Variants in PLGRKT observed in about 807,000 individuals in gnomAD.
The protein encoded by PLGRKT is plasminogen receptor (KT).
A neutral mutation model predicts 18.5 loss-of-function variants in PLGRKT; 22 were observed. That is an observed-to-expected ratio of 1.19 (90% CI 0.85 to 1.70). The LOEUF is 1.70. PLGRKT is among the 40% of genes most tolerant of loss of function. The pLI is 0.00. For synonymous variants in PLGRKT, 72 were observed against 52.8 expected (o/e 1.36, Z -1.58); for missense variants, 235 against 174.4 (o/e 1.35, Z -1.96).
At chr9:5,419,333 C>T (rs777796252) in intron 3 of PLGRKT, among the ~76,000 whole-genome samples, 16 of 152,232 alleles carry the variant, frequency 1.1e-4, no homozygotes, top group Non-Finnish European at 2.2e-4. Flanking sequence ...AGCATGATGA[C>T]ATCAAGTGGA....
chr9:5,364,985 G>C (rs1008638572), intron 3 of PLGRKT, among the ~76,000 whole-genome samples: 1 of 152,114 alleles, frequency 6.6e-6, no homozygotes, highest in South Asian at 2.1e-4. Context: ...CATAGATTAG[G>C]CATTCATGGC....
intron 3 of PLGRKT, among the ~76,000 whole-genome samples, chr9:5,391,437 A>G (rs79740228): frequency 0.011 from 1,618 of 152,118 alleles, 14 homozygotes; most frequent in Middle Eastern, 0.027. Context: ...CTTTGATTTC[A>G]TATCAGAAAA....
At chr9:5,435,336 AAAG>A (rs1284818124) in intron 2 of PLGRKT, among the ~76,000 whole-genome samples, 28 of 150,314 alleles carry the variant, frequency 1.9e-4, no homozygotes, top group South Asian at 8.3e-4. Context: ...AAAAAAAAAA[AAAG>A]AAGAAGATTG....
chr9:5,370,393 AT>A (rs1312179242), intron 3 of PLGRKT, among the ~76,000 whole-genome samples: 12 of 152,326 alleles, frequency 7.9e-5, no homozygotes, highest in African/African-American at 2.9e-4. Flanking sequence ...AAAACATTGT[AT>A]AACACAAAGG....
chr9:5,390,042 T>C (rs1817918294), intron 3 of PLGRKT, among the ~76,000 whole-genome samples: 1 of 151,636 alleles, frequency 6.6e-6, no homozygotes, highest in Non-Finnish European at 1.5e-5. Context: ...CAGACAGTCA[T>C]TGAGGAAATC....
intron 3 of PLGRKT, 66 bp downstream of exon 3, chr9:5,431,831 G>T (rs781125797): frequency 5.2e-6 from 4 of 762,530 alleles, no homozygotes; most frequent in Non-Finnish European, 9.3e-6. Flanking sequence ...ATGTACGGCT[G>T]GAGTACATGT....
chr9:5,371,681 GAA>G (rs1431881637), intron 3 of PLGRKT, among the ~76,000 whole-genome samples: 1 of 152,076 alleles, frequency 6.6e-6, no homozygotes, highest in Non-Finnish European at 1.5e-5. Context: ...TAAAATTCTT[GAA>G]AGTCACAGCT....
At chr9:5,368,384 T>C (rs757785289) in intron 3 of PLGRKT, among the ~76,000 whole-genome samples, 1 of 152,192 alleles carries the variant, frequency 6.6e-6, no homozygotes, top group Non-Finnish European at 1.5e-5. Flanking sequence ...ATATACATCA[T>C]GGAATACTAT....
At chr9:5,409,654 C>A (rs1465563361) in intron 3 of PLGRKT, among the ~76,000 whole-genome samples, 1 of 152,202 alleles carries the variant, frequency 6.6e-6, no homozygotes, top group Non-Finnish European at 1.5e-5. Context: ...CTTGCAAAGC[C>A]ACAGGGATGG....
chr9:5,387,828 G>T (rs1413972174), intron 3 of PLGRKT, among the ~76,000 whole-genome samples: 2 of 151,862 alleles, frequency 1.3e-5, no homozygotes, highest in Admixed American at 6.6e-5. Context: ...AGATGGGCAA[G>T]GGTAACAATA....
intron 3 of PLGRKT, among the ~76,000 whole-genome samples, chr9:5,388,930 A>T (rs1226155216): frequency 6.6e-6 from 1 of 152,092 alleles, no homozygotes; most frequent in African/African-American, 2.4e-5. Context: ...TATTGTCATG[A>T]TATTGACAAC....
chr9:5,395,137 T>C (rs10815204), intron 3 of PLGRKT, among the ~76,000 whole-genome samples: 41,351 of 151,040 alleles, frequency 0.27, 5,982 homozygotes, highest in Non-Finnish European at 0.29. Context: ...AAGATTATCT[T>C]CAAACAGATT....
intron 3 of PLGRKT, among the ~76,000 whole-genome samples, chr9:5,428,025 G>C (rs367888839): frequency 6.6e-6 from 1 of 152,142 alleles, no homozygotes; most frequent in Non-Finnish European, 1.5e-5. Context: ...TGGGAGAAGG[G>C]AGGATGTTAT....
chr9:5,418,672 G>T lies in PLGRKT; in HGVS notation c.81+13225C>A, dbSNP rs1818512205. ...CGCGTGCTCCTTGGAGATGGGCAGGGGCAGCATGTAGCACCCACTGCCGGG... is the reference window on the plus strand; with the variant it reads ...CGCGTGCTCCTTGGAGATGGGCAGGTGCAGCATGTAGCACCCACTGCCGGG... On this transcript the variant is annotated intron_variant, in intron 3 of 5. Transcript: ENST00000223864. This position sits in a 1 kb window ranked among gnomAD's most constrained non-coding sequence, Gnocchi z 4.2. The T allele has an allele frequency of 3.0e-6, 2 of 674,656 alleles. No homozygotes were observed. The highest frequency in any genetic ancestry group is 2.8e-6 in the Non-Finnish European group (1 of 361,380). 41.8% of individuals were successfully genotyped at this position (674,656 alleles called of 1,614,324 possible). A position where few individuals can be genotyped will look rare whatever the true frequency, so the allele number is the denominator to read the frequency against.
intron 2 of PLGRKT, among the ~76,000 whole-genome samples, chr9:5,433,211 C>G (rs1374825938): frequency 1.4e-5 from 2 of 147,226 alleles, no homozygotes. Flanking sequence ...AAGTGAGGAG[C>G]ATCTCTGCCT....
At chr9:5,381,993 T>C (rs1817756123) in intron 3 of PLGRKT, 3 of 985,246 alleles carry the variant, frequency 3.0e-6, no homozygotes, top group Non-Finnish European at 3.6e-6. Flanking sequence ...CCTGGCTTGT[T>C]TACCCAGTCA....
chr9:5,369,600 C>T (rs1388565310), intron 3 of PLGRKT, among the ~76,000 whole-genome samples: 1 of 151,944 alleles, frequency 6.6e-6, no homozygotes, highest in Non-Finnish European at 1.5e-5. Context: ...GGTTATATAC[C>T]CAAAGGATTA....
At chr9:5,385,419 A>G (rs1037244167) in intron 3 of PLGRKT, among the ~76,000 whole-genome samples, 1 of 151,392 alleles carries the variant, frequency 6.6e-6, no homozygotes, top group Non-Finnish European at 1.5e-5. Context: ...GATGGTCTCG[A>G]TCTCCTGACC....
chr9:5,359,223 AT>A (rs1211137867), intron 5 of PLGRKT, among the ~76,000 whole-genome samples: 2 of 151,814 alleles, frequency 1.3e-5, no homozygotes, highest in African/African-American at 4.8e-5. Flanking sequence ...ACACCGGCTA[AT>A]TTTTTGTATT....
Sources: gnomAD v4.1 joint callset for allele counts (sites outside exome capture counted in the v4.1 genomes callset) on GRCh38, gnomAD v4.1.1 for gene constraint, Gnocchi (gnomAD v3.1) non-coding constraint, MANE v1.5 for transcripts, NCBI Gene and HGNC (gene_info 2026-07-23, HGNC 2026-07-21) for gene names.